Variants in UNC13B observed in about 807,000 individuals in gnomAD.
UNC13B encodes unc-13 homolog B.
In UNC13B, 144 loss-of-function variants were observed where a neutral mutation model predicts 211.0. The observed-to-expected ratio is 0.68, with a 90% CI of 0.60 to 0.78. UNC13B has a LOEUF of 0.78. Ranked by LOEUF, UNC13B falls within the 30% of genes least tolerant of loss-of-function variation. UNC13B has a pLI of 0.00. For synonymous variants in UNC13B, 709 were observed against 725.8 expected (o/e 0.98, Z 0.37); for missense variants, 1,777 against 2,002.0 (o/e 0.89, Z 2.14).
Position 35,403,903 on chromosome 9 carries a change from G to A in UNC13B, c.12893G>A (p.Gly4298Asp). ...KGSCACWCPL[G>D]RKIHMDETGL... ...AGCTGTGCCTGCTGGTGCCCCTTGGGCCGGAAGATCCATATGGATGAGACA... is the reference window on the plus strand; with the variant it reads ...AGCTGTGCCTGCTGGTGCCCCTTGGACCGGAAGATCCATATGGATGAGACA... The change falls in exon 40 of 40, where the codon GGC becomes GAC. Residue 4298 changes from glycine (G) to aspartate (D), a missense_variant. Gly to Asp is a moderately conservative substitution (Grantham distance 94). Transcript: ENST00000635942. 1 of 1,614,188 alleles carries A rather than the reference G, an allele frequency of 6.2e-7. No homozygotes were observed. The highest frequency in any genetic ancestry group is 2.2e-5 in the East Asian group (1 of 44,882).
At chr9:35,269,855 G>C (rs1161517478) in intron 7 of UNC13B, among the ~76,000 whole-genome samples, 2 of 151,636 alleles carry the variant, frequency 1.3e-5, no homozygotes, top group Non-Finnish European at 2.9e-5. Context: ...TTCCTTCTTC[G>C]CATACCCCCA....
intron 11 of UNC13B, among the ~76,000 whole-genome samples, chr9:35,340,391 T>C (rs1043780824): frequency 1.3e-5 from 2 of 152,250 alleles, no homozygotes; most frequent in African/African-American, 4.8e-5. Flanking sequence ...GAGGCACATG[T>C]TGGCTCTGAA....
Position 35,380,490 on chromosome 9 carries a change from A to C in UNC13B, c.10226A>C (p.Asp3409Ala). Residue 3409 changes from aspartate (D) to alanine (A), a missense_variant, in exon 18 of 40, where the codon GAC (aspartate) becomes GCC (alanine). Physicochemically the swap from Asp to Ala is moderately radical, Grantham distance 126. Coordinates refer to ENST00000635942, the MANE Select transcript of UNC13B (RefSeq NM_001371189.2). ...CACAGTGAGTGCCACAACTCCTCTGACCGCATTAAGGTGCGTGTATGGGAT... is the reference window on the plus strand; with the variant it reads ...CACAGTGAGTGCCACAACTCCTCTGCCCGCATTAAGGTGCGTGTATGGGAT... ...KFHFECHNSSDRIKVRVWDED... is the reference protein window; with the variant it reads ...KFHFECHNSSARIKVRVWDED... 1.2e-6 allele frequency: 2 copies of C among 1,614,152 alleles called. No homozygotes were observed. The highest frequency in any genetic ancestry group is 1.7e-6 in the Non-Finnish European group (2 of 1,180,004).
chr9:35,178,443 G>A (rs1361415644), intron 1 of UNC13B, among the ~76,000 whole-genome samples: 1 of 151,930 alleles, frequency 6.6e-6, no homozygotes, highest in Non-Finnish European at 1.5e-5. Context: ...GTTGCAGTGA[G>A]CTGAGATCCG....
intron 10 of UNC13B, among the ~76,000 whole-genome samples, chr9:35,313,090 C>T (rs1246247741): frequency 1.3e-5 from 2 of 152,150 alleles, no homozygotes; most frequent in African/African-American, 4.8e-5. Context: ...GGTTGAAAGG[C>T]TTATTCCACC....
intron 11 of UNC13B, chr9:35,342,372 A>G: frequency 1.0e-6 from 1 of 985,514 alleles, no homozygotes; most frequent in Non-Finnish European, 1.2e-6. Flanking sequence ...TGTATGACTG[A>G]CTGAACAACA....
Position 35,405,237 on chromosome 9 carries a change from A to G in UNC13B, c.*1204A>G, listed in dbSNP as rs1365514142. ...TGTCCACAGATGTACTGGCCATTAC[A>G]TGAAACAAGAAACCAAGCATCTTTG... On this transcript the variant is annotated 3_prime_UTR_variant, in exon 40 of 40. Transcript: ENST00000635942. The G allele has an allele frequency of 1.3e-5, 2 of 152,688 alleles. No homozygotes were observed. Among genetic ancestry groups the G allele is most frequent in the African/African-American group, 4.8e-5 (2 of 41,462 alleles). The allele number at this position is 152,688 out of a possible 1,614,324, so 9.5% of individuals were successfully genotyped here. A position where few individuals can be genotyped will look rare whatever the true frequency, so the allele number is the denominator to read the frequency against.
At chr9:35,252,876 G>A (rs2131597880) in intron 6 of UNC13B, among the ~76,000 whole-genome samples, 1 of 152,050 alleles carries the variant, frequency 6.6e-6, no homozygotes, top group South Asian at 2.1e-4. Flanking sequence ...CTTGCAGTGA[G>A]CTGAGATTGC....
At chr9:35,324,129 C>T (rs1365354043) in intron 11 of UNC13B, among the ~76,000 whole-genome samples, 6 of 152,086 alleles carry the variant, frequency 3.9e-5, no homozygotes, top group Admixed American at 1.3e-4. Flanking sequence ...TCAGGATCAC[C>T]CAGCTAGTAA....
At chr9:35,194,143 T>A (rs1186393633) in intron 1 of UNC13B, among the ~76,000 whole-genome samples, 2 of 152,176 alleles carry the variant, frequency 1.3e-5, no homozygotes, top group African/African-American at 4.8e-5. Context: ...AGAGTGATGC[T>A]CACTGTCGGG....
chr9:35,385,228 A>G, intron 22 of UNC13B: 1 of 985,478 alleles, frequency 1.0e-6, no homozygotes, highest in Non-Finnish European at 1.2e-6. Flanking sequence ...AGTTCTGCTC[A>G]GAGATCTGCC....
intron 1 of UNC13B, 82 bp from the exon 2 acceptor site, chr9:35,227,933 G>T: frequency 2.6e-6 from 3 of 1,167,924 alleles, no homozygotes; most frequent in Non-Finnish European, 2.5e-6. Context: ...TTCTAACATT[G>T]GTATGTAGTG....
chr9:35,336,111 C>T (rs1488460667), intron 11 of UNC13B, among the ~76,000 whole-genome samples: 1 of 152,152 alleles, frequency 6.6e-6, no homozygotes, highest in Non-Finnish European at 1.5e-5. Context: ...TAATCTCATC[C>T]ATGTCCTAAC....
chr9:35,252,392 G>A lies in UNC13B; in HGVS notation c.469-6601G>A, dbSNP rs566477704. Among the ~76,000 whole-genome samples the A allele has an allele frequency of 2.0e-5, 3 of 152,054 alleles. No homozygotes were observed. The South Asian group carries it at 6.2e-4, about 32-fold the overall frequency. On this transcript the variant is annotated intron_variant, in intron 6 of 39. Transcript: ENST00000635942. Reference sequence around the variant, plus strand: ...TTGTCACCCAGGCTGGCGTGCAGTGGTGCTGCAGTCTCCGCCTCCTGAGTT... The same window carrying A: ...TTGTCACCCAGGCTGGCGTGCAGTGATGCTGCAGTCTCCGCCTCCTGAGTT...
At chr9:35,253,931 C>T (rs1158306974) in intron 6 of UNC13B, among the ~76,000 whole-genome samples, 2 of 152,172 alleles carry the variant, frequency 1.3e-5, no homozygotes, top group East Asian at 3.8e-4. Context: ...TTTCCTGTTT[C>T]ACTGTTTCCT....
chr9:35,224,539 T>C (rs967659290), intron 1 of UNC13B, among the ~76,000 whole-genome samples: 1 of 152,190 alleles, frequency 6.6e-6, no homozygotes, highest in African/African-American at 2.4e-5. Flanking sequence ...CAGTGGAGTC[T>C]TTAGGTTTTT....
intron 1 of UNC13B, among the ~76,000 whole-genome samples, chr9:35,210,171 T>A (rs1439280655): frequency 6.6e-6 from 1 of 152,218 alleles, no homozygotes; most frequent in Non-Finnish European, 1.5e-5. Context: ...ATTGACCTTA[T>A]TCCATATTTT....
At chr9:35,253,470 A>G (rs916751497) in intron 6 of UNC13B, among the ~76,000 whole-genome samples, 3 of 152,166 alleles carry the variant, frequency 2.0e-5, no homozygotes, top group African/African-American at 7.2e-5. Context: ...TTAAGTATAC[A>G]TACAAATACA....
chr9:35,403,971 G>A lies in UNC13B; in HGVS notation c.12961G>A (p.Glu4321Lys), dbSNP rs1025861126. Residue 4321 changes from glutamate (E) to lysine (K), a missense_variant, in exon 40 of 40, where the codon GAG (glutamate) becomes AAG (lysine). Glu to Lys is a moderately conservative substitution (Grantham distance 56). Transcript: ENST00000635942. ...GATTTTATCTCAGAGGAGCAATGAC[G>A]AGGTGGCCCGAGAATTTGTGAAACT... ...LRILSQRSNDEVAREFVKLKS... is the reference protein window; with the variant it reads ...LRILSQRSNDKVAREFVKLKS... 2.5e-6 allele frequency: 4 copies of A among 1,614,112 alleles called. No homozygotes were observed. Among genetic ancestry groups the A allele is most frequent in the African/African-American group, 1.3e-5 (1 of 75,020 alleles).
Sources: gnomAD v4.1 joint callset for allele counts (sites outside exome capture counted in the v4.1 genomes callset) on GRCh38, gnomAD v4.1.1 for gene constraint, MANE v1.5 for transcripts, NCBI Gene and HGNC (gene_info 2026-07-23, HGNC 2026-07-21) for gene names.